The following OGDHL variants were observed in gnomAD, a reference collection of about 807,000 sequenced individuals.
The protein encoded by OGDHL is 2-oxoglutarate dehydrogenase-like, mitochondrial.
OGDHL carries 79 observed loss-of-function variants against 109.6 expected under a neutral mutation model. That is an observed-to-expected ratio of 0.72 (90% CI 0.60 to 0.87). The LOEUF (loss-of-function observed/expected upper bound fraction) is 0.87. OGDHL is among the 40% of genes least tolerant of loss of function. The pLI, the probability that OGDHL is intolerant of heterozygous loss-of-function variation, is 0.00. For synonymous variants in OGDHL, 528 were observed against 537.2 expected, an observed-to-expected ratio of 0.98 and a Z score of 0.24; for missense variants, 1,275 against 1,362.2, an observed-to-expected ratio of 0.94 and a Z score of 1.01.
intron 14 of OGDHL, chr10:49,743,686 C>T (rs1367120784): frequency 8.1e-6 from 2 of 246,068 alleles, no homozygotes; most frequent in African/African-American, 4.5e-5. Context: ...CCCTTGCTTT[C>T]CTGCTCTTCT....
At chr10:49,754,746 T>C (rs1195461588) in intron 3 of OGDHL, among the ~76,000 whole-genome samples, 2 of 151,030 alleles carry the variant, frequency 1.3e-5, no homozygotes, top group Non-Finnish European at 2.9e-5. Context: ...AGAAATTACA[T>C]GGGACAATGG....
rs370953827 is a variant in OGDHL at position 49,743,934 on chromosome 10, C to T, written c.1861+60G>A. 8.9e-5 allele frequency: 140 copies of T among 1,576,236 alleles called. No individual in the cohort carries two copies. In the Middle Eastern group the frequency reaches 1.3e-3, roughly 14 times the overall value. ...TCTTGCATCCCAACCAATCTCCCTTCGAGGCACAGTGTTGGGGTGGGGCCA... is the reference window on the plus strand; with the variant it reads ...TCTTGCATCCCAACCAATCTCCCTTTGAGGCACAGTGTTGGGGTGGGGCCA... On this transcript the variant is annotated intron_variant, in intron 14 of 22. Transcript: ENST00000374103.
intron 8 of OGDHL, among the ~76,000 whole-genome samples, chr10:49,748,338 A>C (rs1842342978): frequency 6.6e-6 from 1 of 152,250 alleles, no homozygotes; most frequent in South Asian, 2.1e-4. Context: ...GCCTCTTAGA[A>C]ATAAGGTTGC....
chr10:49,735,930 G>T, intron 22 of OGDHL, 93 bp downstream of exon 22: 1 of 1,380,182 alleles, frequency 7.2e-7, no homozygotes, highest in Non-Finnish European at 9.6e-7. Context: ...GAAGGGCAGG[G>T]CCAGTTCTGG....
chr10:49,760,865 T>C (rs1843229450), intron 1 of OGDHL, among the ~76,000 whole-genome samples: 1 of 152,222 alleles, frequency 6.6e-6, no homozygotes, highest in Non-Finnish European at 1.5e-5. Context: ...CCAGAGCTGC[T>C]CCCTCTGCCA....
intron 3 of OGDHL, among the ~76,000 whole-genome samples, chr10:49,755,931 G>A (rs1438044992): frequency 6.6e-6 from 1 of 152,228 alleles, no homozygotes; most frequent in African/African-American, 2.4e-5. Context: ...GCTGCTGTTT[G>A]CTCCTAGGTG....
chr10:49,735,324 T>TGCAGCCGCTGGGTCCCGGCCCA lies in OGDHL; in HGVS notation c.2936_2937insTGGGCCGGGACCCAGCGGCTGC (p.Pro980GlyfsTer34). 6.2e-7 allele frequency: 1 copy of TGCAGCCGCTGGGTCCCGGCCCA among 1,604,810 alleles called. No homozygotes were observed. The highest frequency in any genetic ancestry group is 8.5e-7 in the Non-Finnish European group (1 of 1,176,918). Reference sequence around the variant, plus strand: ...GAGTGTTCCTGTTTCCTGTGGCTGGTGCAGCCGCTGGGTCCCGGCCAACAT... The same window carrying TGCAGCCGCTGGGTCCCGGCCCA: ...GAGTGTTCCTGTTTCCTGTGGCTGGTGCAGCCGCTGGGTCCCGGCCCAGCAGCCGCTGGGTCCCGGCCAACAT... On this transcript the variant is annotated frameshift_variant, in exon 23 of 23. Transcript: ENST00000374103. LOFTEE classifies it high-confidence loss of function.
At chr10:49,748,392 GA>G (rs1374806231) in intron 8 of OGDHL, among the ~76,000 whole-genome samples, 1 of 152,162 alleles carries the variant, frequency 6.6e-6, no homozygotes, top group Non-Finnish European at 1.5e-5. Context: ...AATGTTTCTA[GA>G]AGTACACACC....
chr10:49,754,581 T>C (rs535677543), intron 3 of OGDHL, among the ~76,000 whole-genome samples: 1 of 152,256 alleles, frequency 6.6e-6, no homozygotes, highest in South Asian at 2.1e-4. Context: ...TCACCATTTT[T>C]GCAACCCCTA....
intron 22 of OGDHL, 92 bp downstream of exon 22, chr10:49,735,931 C>A: frequency 7.2e-7 from 1 of 1,389,528 alleles, no homozygotes. Flanking sequence ...AAGGGCAGGG[C>A]CAGTTCTGGG....
chr10:49,735,647 T>C (rs533385904), intron 22 of OGDHL, among the ~76,000 whole-genome samples: 77 of 152,354 alleles, frequency 5.1e-4, no homozygotes, highest in African/African-American at 1.8e-3. Context: ...TTTTGGCTTC[T>C]TGGAGTTTCT....
chr10:49,744,717 C>T lies in OGDHL; in HGVS notation c.1665G>A (p.Glu555=), dbSNP rs1348332472. 1.9e-6 allele frequency: 3 copies of T among 1,614,088 alleles called. No homozygotes were observed. The South Asian group carries it at 3.3e-5, about 18-fold the overall frequency. The change falls in exon 13 of 23, where the codon GAG becomes GAA. Residue 555 remains glutamate, a synonymous_variant. Coordinates refer to ENST00000374103, the MANE Select transcript of OGDHL (RefSeq NM_018245.3). ...EIAKYDRICE[E]AYGRSKDKKI... is the part of the protein sequence containing the mutation. Reference sequence around the variant, plus strand: ...TTTTATCCTTGGACCTGCCATAAGCCTCCTCACAGATCCGGTCGTATTTGG... The same window carrying T: ...TTTTATCCTTGGACCTGCCATAAGCTTCCTCACAGATCCGGTCGTATTTGG...
chr10:49,739,434 G>A (rs772876245), intron 17 of OGDHL: 24 of 493,506 alleles, frequency 4.9e-5, no homozygotes, highest in East Asian at 6.2e-5. Flanking sequence ...AGTGCCTGGC[G>A]CACAGCAAGC....
chr10:49,741,647 C>A (rs1203913151), intron 15 of OGDHL, among the ~76,000 whole-genome samples: 2 of 150,874 alleles, frequency 1.3e-5, no homozygotes, highest in African/African-American at 4.9e-5. Context: ...CACACACACA[C>A]CACACACATA....
rs1180399183 is a variant in OGDHL, at chr10:49,752,735, C to T, written c.381G>A (p.Arg127=). The part of the protein sequence containing the change: ...VQSLIRAYQI[R]GHHVAQLDPL... ...GGTCCAGCTGGGCCACATGGTGACC[C>T]CGGATCTGGGAGGAGGGAAAAGAGC... The change falls in exon 4 of 23, where the codon CGG becomes CGA. Residue 127 remains arginine, a synonymous_variant. Coordinates refer to ENST00000374103, the MANE Select transcript of OGDHL (RefSeq NM_018245.3). 6.2e-7 allele frequency: 1 copy of T among 1,613,610 alleles called. No homozygotes were observed. The highest frequency in any genetic ancestry group is 2.2e-5 in the East Asian group (1 of 44,892).
intron 12 of OGDHL, 146 bp from the exon 13 acceptor site, chr10:49,744,898 A>C: frequency 1.5e-6 from 1 of 681,618 alleles, no homozygotes; most frequent in East Asian, 2.7e-5. Flanking sequence ...CATGGCTAGA[A>C]GCCAAAGTCT....
Position 49,754,350 on chromosome 10 carries a change from T to C in OGDHL, c.376-1610A>G, listed in dbSNP as rs544897299. Among the ~76,000 whole-genome samples, 8 of 152,338 alleles carry C rather than the reference T, an allele frequency of 5.3e-5. No individual in the cohort carries two copies. In the South Asian group the frequency reaches 1.7e-3, roughly 32 times the overall value. ...ATATGTTTATATTCATGCATTCATA[T>C]GAATCCAAAAAAAAGAAGATAAACT... On this transcript the variant is annotated intron_variant, in intron 3 of 22. Transcript: ENST00000374103.
chr10:49,745,321 G>A (rs367927983), intron 12 of OGDHL, 23 bp downstream of exon 12: 302 of 1,610,924 alleles, frequency 1.9e-4, no homozygotes, highest in Middle Eastern at 1.2e-3. Context: ...TGTCTTGGGC[G>A]CCCCTGCAGC....
intron 8 of OGDHL, among the ~76,000 whole-genome samples, chr10:49,748,757 C>CACACACACACAG (rs1269928564): frequency 7.0e-6 from 1 of 143,828 alleles, no homozygotes; most frequent in Non-Finnish European, 1.6e-5. Context: ...CACACACACA[C>CACACACACACAG]ACACACACAC....
Sources: allele counts gnomAD v4.1 joint callset (sites outside exome capture counted in the v4.1 genomes callset), GRCh38; gene constraint gnomAD v4.1.1; transcripts MANE v1.5; gene names NCBI Gene and HGNC (gene_info 2026-07-23, HGNC 2026-07-21).